MARCHF8: variants seen among roughly 807,000 people sequenced by gnomAD.
MARCHF8 encodes membrane associated ring-CH-type finger 8, also known as E3 ubiquitin-protein ligase MARCHF8.
MARCHF8 carries 40 observed loss-of-function variants against 51.6 expected under a neutral mutation model. The observed-to-expected ratio is 0.77, with a 90% CI of 0.60 to 1.01. The LOEUF (loss-of-function observed/expected upper bound fraction) is 1.01, where lower values mean the gene tolerates loss of function less well. Ranked by LOEUF, MARCHF8 falls within the 50% of genes least tolerant of loss-of-function variation. The pLI, the probability that MARCHF8 is intolerant of heterozygous loss-of-function variation, is 0.00. For missense variants in MARCHF8, 685 were observed against 708.6 expected (o/e 0.97, Z 0.38); for synonymous variants, 263 against 280.3 (o/e 0.94, Z 0.62).
intron 2 of MARCHF8, among the ~76,000 whole-genome samples, chr10:45,523,716 G>A (rs911515465): frequency 1.3e-5 from 2 of 152,064 alleles, no homozygotes; most frequent in Non-Finnish European, 2.9e-5. Flanking sequence ...CTAGACAAAC[G>A]TATTCATACA....
intron 1 of MARCHF8, among the ~76,000 whole-genome samples, chr10:45,591,299 C>T (rs2044677905): frequency 6.6e-6 from 1 of 152,136 alleles, no homozygotes. Flanking sequence ...AAGCCTGTCT[C>T]TACAAAAATA....
At chr10:45,484,091 TCA>T (rs770642870) in intron 3 of MARCHF8, among the ~76,000 whole-genome samples, 1 of 152,264 alleles carries the variant, frequency 6.6e-6, no homozygotes, top group African/African-American at 2.4e-5. Context: ...TGATAAATAT[TCA>T]CAGTGAGGGA....
At chr10:45,548,212 G>C (rs1265678496) in intron 1 of MARCHF8, among the ~76,000 whole-genome samples, 1 of 152,208 alleles carries the variant, frequency 6.6e-6, no homozygotes, top group African/African-American at 2.4e-5. Flanking sequence ...GCCTAATGCT[G>C]AAGTCCTGTC....
intron 1 of MARCHF8, among the ~76,000 whole-genome samples, chr10:45,547,869 T>C (rs1036432310): frequency 3.3e-5 from 5 of 152,124 alleles, no homozygotes; most frequent in African/African-American, 1.2e-4. Context: ...GATAATAAAT[T>C]AGATATTTCA....
chr10:45,579,366 C>T (rs1589192854), intron 1 of MARCHF8, among the ~76,000 whole-genome samples: 1 of 143,034 alleles, frequency 7.0e-6, no homozygotes, highest in Non-Finnish European at 1.5e-5. Context: ...ACTAGGTAAG[C>T]TTTTTTTTTT....
intron 1 of MARCHF8, among the ~76,000 whole-genome samples, chr10:45,553,833 GCACACA>G (rs10597890): frequency 6.6e-6 from 1 of 150,734 alleles, no homozygotes; most frequent in Non-Finnish European, 1.5e-5. Context: ...GCATGGACAT[GCACACA>G]CACACACACA....
chr10:45,461,165 T>C, intron 6 of MARCHF8, 66 bp downstream of exon 6: 4 of 1,296,424 alleles, frequency 3.1e-6, no homozygotes, highest in Non-Finnish European at 4.1e-6. Context: ...CCTCATGATC[T>C]GAGACACCAG....
At chr10:45,549,726 A>T (rs1252177874) in intron 1 of MARCHF8, among the ~76,000 whole-genome samples, 1 of 152,220 alleles carries the variant, frequency 6.6e-6, no homozygotes, top group African/African-American at 2.4e-5. Context: ...TAATGCTGTT[A>T]TTGAGGAAGT....
chr10:45,537,644 C>A (rs2043991300), upstream of MARCHF8, among the ~76,000 whole-genome samples: 1 of 149,402 alleles, frequency 6.7e-6, no homozygotes, highest in African/African-American at 2.5e-5. Context: ...TACAGTGAGA[C>A]CTTGTCTCAA....
upstream of MARCHF8, among the ~76,000 whole-genome samples, chr10:45,538,238 A>C (rs1227375128): frequency 6.6e-6 from 1 of 152,320 alleles, no homozygotes; most frequent in Admixed American, 6.5e-5. Flanking sequence ...GTGAAGGAGA[A>C]ATAAAATCCT....
At chr10:45,464,371 G>A (rs1382561024) in intron 3 of MARCHF8, 44 bp from the exon 4 acceptor site, 1 of 1,532,144 alleles carries the variant, frequency 6.5e-7, no homozygotes, top group Non-Finnish European at 9.0e-7. Context: ...AAGAGCCAAG[G>A]GGATTGTGTG....
intron 1 of MARCHF8, among the ~76,000 whole-genome samples, chr10:45,545,304 G>A (rs1268203320): frequency 6.6e-6 from 1 of 152,154 alleles, no homozygotes; most frequent in Non-Finnish European, 1.5e-5. Context: ...ATGCTGGTTG[G>A]ATCAATCTCC....
intron 2 of MARCHF8, among the ~76,000 whole-genome samples, chr10:45,527,721 T>A (rs982496836): frequency 2.0e-5 from 3 of 151,950 alleles, no homozygotes; most frequent in Non-Finnish European, 4.4e-5. Context: ...ACAACACTGT[T>A]CCCCCAAATT....
intron 3 of MARCHF8, among the ~76,000 whole-genome samples, chr10:45,480,461 G>A (rs1242637675): frequency 6.6e-6 from 1 of 151,942 alleles, no homozygotes; most frequent in Non-Finnish European, 1.5e-5. Context: ...CCCATCACAG[G>A]CCCAGAGGAC....
chr10:45,506,131 A>G (rs775804533), intron 2 of MARCHF8, among the ~76,000 whole-genome samples: 2 of 152,258 alleles, frequency 1.3e-5, no homozygotes, highest in Non-Finnish European at 2.9e-5. Context: ...ATAAGTACAT[A>G]TATAAACAGA....
intron 1 of MARCHF8, among the ~76,000 whole-genome samples, chr10:45,586,753 T>C (rs2044622633): frequency 1.3e-5 from 2 of 152,114 alleles, no homozygotes; most frequent in African/African-American, 2.4e-5. Context: ...AAATACCTTA[T>C]TTTGTGAAGT....
At chr10:45,547,536 G>C (rs2044142183) in intron 1 of MARCHF8, among the ~76,000 whole-genome samples, 1 of 152,172 alleles carries the variant, frequency 6.6e-6, no homozygotes, top group African/African-American at 2.4e-5. Flanking sequence ...TGTTAGAATG[G>C]ATAAAAATGC....
At chr10:45,478,963 A>C (rs891982610) in intron 3 of MARCHF8, among the ~76,000 whole-genome samples, 2 of 152,222 alleles carry the variant, frequency 1.3e-5, no homozygotes, top group African/African-American at 2.4e-5. Flanking sequence ...ATTCCAAAAA[A>C]CTGAAGAAGA....
intron 1 of MARCHF8, among the ~76,000 whole-genome samples, chr10:45,583,705 C>G (rs1434290157): frequency 2.0e-5 from 3 of 151,800 alleles, no homozygotes; most frequent in Admixed American, 6.6e-5. Flanking sequence ...ATTAAAATAC[C>G]CAGTATAACT....
Sources: allele counts gnomAD v4.1 joint callset (sites outside exome capture counted in the v4.1 genomes callset), GRCh38; gene constraint gnomAD v4.1.1; transcripts MANE v1.5; gene names NCBI Gene and HGNC (gene_info 2026-07-23, HGNC 2026-07-21).